The following PAIP1 variants were observed in gnomAD, a reference collection of about 807,000 sequenced individuals.
PAIP1 encodes poly(A) binding protein interacting protein 1.
A neutral mutation model predicts 61.3 loss-of-function variants in PAIP1; 16 were observed. The ratio of observed to expected loss-of-function variants is 0.26; its 90% CI spans 0.18 to 0.40. The LOEUF (loss-of-function observed/expected upper bound fraction) is 0.40, where lower values mean the gene tolerates loss of function less well. Ranked by LOEUF, PAIP1 falls within the 10% of genes least tolerant of loss-of-function variation. PAIP1 has a pLI of 1.00. For missense variants in PAIP1, 416 were observed against 600.9 expected (o/e 0.69, Z 3.22); for synonymous variants, 187 against 226.2 (o/e 0.83, Z 1.56).
intron 5 of PAIP1, 46 bp downstream of exon 5, chr5:43,538,878 A>G (rs369690258): frequency 1.1e-6 from 1 of 910,850 alleles, no homozygotes; most frequent in African/African-American, 1.6e-5. Flanking sequence ...AGATCAACTT[A>G]TGTTCTCAGG....
chr5:43,532,246 A>G (rs1282007713), intron 9 of PAIP1, among the ~76,000 whole-genome samples: 2 of 152,202 alleles, frequency 1.3e-5, no homozygotes, highest in African/African-American at 4.8e-5. Flanking sequence ...TAAGAATAAG[A>G]GGAAAGATTT....
At chr5:43,545,553 G>GT (rs1262201503) in intron 3 of PAIP1, among the ~76,000 whole-genome samples, 1 of 152,148 alleles carries the variant, frequency 6.6e-6, no homozygotes, top group Non-Finnish European at 1.5e-5. Flanking sequence ...GTTTTGCACT[G>GT]TAAGTCATGG....
At chr5:43,530,716 C>T (rs1579904980) in intron 9 of PAIP1, among the ~76,000 whole-genome samples, 1 of 152,162 alleles carries the variant, frequency 6.6e-6, no homozygotes, top group African/African-American at 2.4e-5. Context: ...TACAAAAAGA[C>T]AGGCATTCTT....
chr5:43,531,881 TA>T (rs1746956974), intron 9 of PAIP1, among the ~76,000 whole-genome samples: 1 of 151,938 alleles, frequency 6.6e-6, no homozygotes, highest in African/African-American at 2.4e-5. Flanking sequence ...AGAAGGGTTA[TA>T]ATTAAGAGAT....
intron 3 of PAIP1, 114 bp from the exon 4 acceptor site, chr5:43,543,230 C>A: frequency 5.1e-6 from 2 of 390,402 alleles, no homozygotes; most frequent in East Asian, 4.6e-5. Flanking sequence ...ACCATATATA[C>A]AAGTCTTTTG....
chr5:43,556,907 G>C lies in PAIP1; in HGVS notation c.-61C>G. ...TGCCGCTGCGCTCGCGATAGGACGC[G>C]GGGGGAAGGCGCCGCGGGTCGGCTA... is the stretch of plus-strand genomic sequence containing the variant. On this transcript the variant is annotated 5_prime_UTR_variant, in exon 1 of 11. Transcript: ENST00000306846. 1.5e-6 allele frequency: 2 copies of C among 1,328,002 alleles called. No homozygotes were observed. Among genetic ancestry groups the C allele is most frequent in the Non-Finnish European group, 1.9e-6 (2 of 1,041,292 alleles). The allele number at this position is 1,328,002 out of a possible 1,614,324, so 82.3% of individuals were successfully genotyped here.
chr5:43,537,007 GAACT>G (rs938440050), intron 5 of PAIP1, 63 bp from the exon 6 acceptor site: 17 of 1,216,268 alleles, frequency 1.4e-5, no homozygotes, highest in African/African-American at 1.1e-4. Context: ...ATACATAAAT[GAACT>G]AACAAGGTGT....
intron 3 of PAIP1, among the ~76,000 whole-genome samples, chr5:43,545,805 C>T (rs1180622030): frequency 4.0e-5 from 6 of 150,362 alleles, no homozygotes; most frequent in South Asian, 2.1e-4. Context: ...GAGTTTCGCT[C>T]GTTGCCCAAG....
Position 43,556,905 on chromosome 5 carries a change from G to C in PAIP1, c.-59C>G, listed in dbSNP as rs902331774. ...GCTGCCGCTGCGCTCGCGATAGGACGCGGGGGGAAGGCGCCGCGGGTCGGC... is the reference window on the plus strand; with the variant it reads ...GCTGCCGCTGCGCTCGCGATAGGACCCGGGGGGAAGGCGCCGCGGGTCGGC... On this transcript the variant is annotated 5_prime_UTR_variant, in exon 1 of 11. Transcript: ENST00000306846. 82 of 1,329,648 alleles carry C rather than the reference G, an allele frequency of 6.2e-5. No homozygotes were observed. The highest frequency in any genetic ancestry group is 7.9e-5 in the Non-Finnish European group (82 of 1,042,308). The allele number at this position is 1,329,648 out of a possible 1,614,324, so 82.4% of individuals were successfully genotyped here.
chr5:43,549,106 A>G lies in PAIP1; in HGVS notation c.436-1193T>C, dbSNP rs572072740. Among the ~76,000 whole-genome samples the G allele has an allele frequency of 3.3e-5, 5 of 152,104 alleles. No homozygotes were observed. In the South Asian group the frequency reaches 1.0e-3, roughly 32 times the overall value. On this transcript the variant is annotated intron_variant, in intron 2 of 10. Transcript: ENST00000306846. ...CAGGCATGCACCACCATGCCTGGCT[A>G]ATTTTTGTATTTTTAGTAGAGACAG...
chr5:43,529,749 A>C, intron 10 of PAIP1, 37 bp downstream of exon 10: 1 of 1,053,742 alleles, frequency 9.5e-7, no homozygotes, highest in Non-Finnish European at 1.5e-6. Flanking sequence ...AATTAGACAC[A>C]GAAATTTCAC....
At chr5:43,530,334 C>T (rs1376932172) in intron 9 of PAIP1, among the ~76,000 whole-genome samples, 2 of 152,194 alleles carry the variant, frequency 1.3e-5, no homozygotes, top group Non-Finnish European at 1.5e-5. Context: ...AAGGCAGCTA[C>T]CTGGTAAACG....
chr5:43,554,977 A>G (rs578036525), intron 2 of PAIP1, among the ~76,000 whole-genome samples: 2 of 152,386 alleles, frequency 1.3e-5, no homozygotes, highest in African/African-American at 4.8e-5. Context: ...GTCACCTCCA[A>G]TTATATGCTA....
At chr5:43,534,281 C>A (rs1300328632) in intron 8 of PAIP1, among the ~76,000 whole-genome samples, 2 of 152,180 alleles carry the variant, frequency 1.3e-5, no homozygotes, top group African/African-American at 4.8e-5. Context: ...CTCACCACAA[C>A]CTCTGCCTCC....
intron 2 of PAIP1, among the ~76,000 whole-genome samples, chr5:43,550,705 G>C (rs1267894390): frequency 6.6e-6 from 1 of 150,866 alleles, no homozygotes; most frequent in Non-Finnish European, 1.5e-5. Context: ...CCTACTAAGT[G>C]CCAAAGACTG....
At chr5:43,541,387 C>T (rs1426285370) in intron 4 of PAIP1, among the ~76,000 whole-genome samples, 1 of 141,662 alleles carries the variant, frequency 7.1e-6, no homozygotes, top group Non-Finnish European at 1.5e-5. Context: ...CTCCTGAACT[C>T]GTGAGCCGCC....
intron 4 of PAIP1, among the ~76,000 whole-genome samples, chr5:43,539,548 T>C (rs925624085): frequency 1.3e-5 from 2 of 150,478 alleles, no homozygotes; most frequent in African/African-American, 4.9e-5. Flanking sequence ...ATTTCCATTA[T>C]ACGTATCAGA....
At chr5:43,538,578 T>C (rs776548997) in intron 5 of PAIP1, among the ~76,000 whole-genome samples, 12 of 152,224 alleles carry the variant, frequency 7.9e-5, no homozygotes, top group Non-Finnish European at 1.2e-4. Flanking sequence ...AGCCACCATC[T>C]GAAAGTCAAC....
At chr5:43,540,971 G>A (rs954786820) in intron 4 of PAIP1, among the ~76,000 whole-genome samples, 6 of 151,800 alleles carry the variant, frequency 4.0e-5, no homozygotes, top group Admixed American at 2.6e-4. Flanking sequence ...CATTCCTGGC[G>A]TCCTACCGCC....
Sources: gnomAD v4.1 joint callset for allele counts (sites outside exome capture counted in the v4.1 genomes callset) on GRCh38, gnomAD v4.1.1 for gene constraint, MANE v1.5 for transcripts, NCBI Gene and HGNC (gene_info 2026-07-23, HGNC 2026-07-21) for gene names.